Variants in CCDC191 observed in about 807,000 individuals in gnomAD.
CCDC191 encodes the protein coiled-coil domain-containing protein 191.
CCDC191 carries 99 observed loss-of-function variants against 114.0 expected under a neutral mutation model. The ratio of observed to expected loss-of-function variants is 0.87; its 90% CI spans 0.74 to 1.03. CCDC191 has a LOEUF of 1.03. Among genes scored for constraint, CCDC191 ranks in the 50% least tolerant of loss-of-function variants. The pLI, the probability that CCDC191 is intolerant of heterozygous loss-of-function variation, is 0.00. For synonymous variants in CCDC191, 351 were observed against 376.0 expected (o/e 0.93, Z 0.77); for missense variants, 973 against 1,087.0 (o/e 0.90, Z 1.47).
At chr3:113,967,369 GCCTACATTTCTCTTTCTTTC>G (rs148571309) in intron 16 of CCDC191, among the ~76,000 whole-genome samples, 19,511 of 150,708 alleles carry the variant, frequency 0.13, 1,424 homozygotes, top group Admixed American at 0.2. Flanking sequence ...GATCATCCTT[GCCTACATTTCTCTTTCTTTC>G]CCTACATTTC....
chr3:114,003,817 G>A (rs1378604540), intron 11 of CCDC191: 101 of 985,230 alleles, frequency 1.0e-4, no homozygotes, highest in Non-Finnish European at 1.2e-4. Flanking sequence ...CTTGTCACAG[G>A]TAAAAAATCA....
At chr3:114,046,350 C>A (rs1396901019) in intron 3 of CCDC191, among the ~76,000 whole-genome samples, 2 of 152,150 alleles carry the variant, frequency 1.3e-5, no homozygotes, top group Non-Finnish European at 2.9e-5. Context: ...CAGCATTCAC[C>A]AATTAGCTGT....
chr3:113,997,102 C>T (rs904078628), intron 13 of CCDC191, among the ~76,000 whole-genome samples: 6 of 151,972 alleles, frequency 3.9e-5, no homozygotes, highest in African/African-American at 1.2e-4. Context: ...ATTTTTTTCT[C>T]GTTGGGGTTT....
At chr3:113,998,210 G>GAT (rs1221869970) in intron 13 of CCDC191, among the ~76,000 whole-genome samples, 2 of 150,040 alleles carry the variant, frequency 1.3e-5, no homozygotes, top group Non-Finnish European at 1.5e-5. Flanking sequence ...GGAGGCTGAG[G>GAT]AAGGAGAATC....
chr3:113,966,226 T>C (rs1940154249), intron 16 of CCDC191, among the ~76,000 whole-genome samples: 1 of 152,080 alleles, frequency 6.6e-6, no homozygotes, highest in Non-Finnish European at 1.5e-5. Flanking sequence ...TGAATATCAG[T>C]TGAGAAAAAA....
At chr3:114,017,046 T>C (rs2076170081) in intron 8 of CCDC191, among the ~76,000 whole-genome samples, 1 of 151,804 alleles carries the variant, frequency 6.6e-6, no homozygotes, top group African/African-American at 2.4e-5. Flanking sequence ...CAGCATATCA[T>C]AGGAAAGGGA....
At position 114,041,477 on chromosome 3, in the gene CCDC191, G is replaced by T. The variant is rs545689533; in HGVS notation, c.415+1226C>A. ...TCCTAACTAACGGAAACTTCTATGA[G>T]AATTAGAGCCTCACAGCAGTTGAAT... is the stretch of plus-strand genomic sequence containing the variant. On this transcript the variant is annotated intron_variant, in intron 4 of 16. Coordinates refer to ENST00000295878, the MANE Select transcript of CCDC191 (RefSeq NM_020817.2). Among the ~76,000 whole-genome samples, 67 of 152,294 alleles carry T rather than the reference G, an allele frequency of 4.4e-4. No individual in the cohort carries two copies. In the South Asian group the frequency reaches 0.014, roughly 32 times the overall value.
intron 2 of CCDC191, among the ~76,000 whole-genome samples, chr3:114,048,543 T>C (rs767193707): frequency 6.6e-6 from 1 of 152,186 alleles, no homozygotes; most frequent in Non-Finnish European, 1.5e-5. Context: ...GTTCCCAGCT[T>C]AGGGCCTTTG....
At chr3:113,982,881 A>G (rs1294912633) in intron 13 of CCDC191, among the ~76,000 whole-genome samples, 2 of 151,976 alleles carry the variant, frequency 1.3e-5, no homozygotes, top group Non-Finnish European at 2.9e-5. Flanking sequence ...CCAAAAATAA[A>G]AAATAACTAA....
chr3:114,024,955 T>C (rs2076298964), intron 7 of CCDC191, among the ~76,000 whole-genome samples: 1 of 152,216 alleles, frequency 6.6e-6, no homozygotes, highest in African/African-American at 2.4e-5. Flanking sequence ...ATCCTATTCC[T>C]GATTTTCATA....
chr3:114,048,413 C>T (rs1056933538), intron 2 of CCDC191, among the ~76,000 whole-genome samples: 7 of 152,214 alleles, frequency 4.6e-5, no homozygotes, highest in African/African-American at 1.7e-4. Context: ...TAATGCGCTT[C>T]CAGGTCCTGC....
At chr3:114,024,693 G>A (rs1190731611) in intron 7 of CCDC191, among the ~76,000 whole-genome samples, 3 of 152,084 alleles carry the variant, frequency 2.0e-5, no homozygotes, top group East Asian at 3.9e-4. Flanking sequence ...CACACCAGGG[G>A]CTGTTGTGGG....
At chr3:114,029,179 G>A (rs1303884081) in intron 7 of CCDC191, among the ~76,000 whole-genome samples, 1 of 151,996 alleles carries the variant, frequency 6.6e-6, no homozygotes, top group Non-Finnish European at 1.5e-5. Context: ...GTATCTTGTG[G>A]TGCCAACAAA....
In CCDC191 at chr3:114,005,810, G is replaced by A. The variant is rs1207358883; in HGVS notation, c.1566C>T (p.Thr522=). Residue 522 remains threonine (T), a synonymous_variant, in exon 10 of 17, where the codon ACC becomes ACT. Transcript: ENST00000295878. ...GCTGTTGAGAGGGTTCAGCACCCAG[G>A]GTCTTGTGCTGCTTATTGCCAGGTG... The part of the protein sequence containing the change: ...LSAPGNKQHK[T]LGAEPSQQPG... 2 of 1,613,930 alleles carry A rather than the reference G, an allele frequency of 1.2e-6. No homozygotes were observed. Among genetic ancestry groups the A allele is most frequent in the African/African-American group, 2.7e-5 (2 of 74,902 alleles).
intron 5 of CCDC191, among the ~76,000 whole-genome samples, chr3:114,035,841 C>A (rs1393755812): frequency 1.3e-5 from 2 of 152,152 alleles, no homozygotes. Context: ...ATTGAACGTT[C>A]TCTCCTCTCT....
intron 12 of CCDC191, 97 bp from the exon 13 acceptor site, chr3:114,001,793 T>C (rs1433775891): frequency 6.9e-7 from 1 of 1,445,062 alleles, no homozygotes; most frequent in East Asian, 2.3e-5. Flanking sequence ...CCAAAGTGCC[T>C]GTCCTATCTC....
chr3:114,010,828 T>C lies in CCDC191; in HGVS notation c.1357A>G (p.Ile453Val). 6.2e-7 allele frequency: 1 copy of C among 1,614,076 alleles called. No homozygotes were observed. The highest frequency in any genetic ancestry group is 8.5e-7 in the Non-Finnish European group (1 of 1,179,898). Residue 453 changes from isoleucine to valine, a missense_variant, in exon 9 of 17, where the codon ATC becomes GTC. Ile to Val is a conservative substitution (Grantham distance 29). Coordinates refer to ENST00000295878, the MANE Select transcript of CCDC191 (RefSeq NM_020817.2). Reference protein sequence around the residue: ...GKLSANGLSGISLPEEATAMV... With the variant: ...GKLSANGLSGVSLPEEATAMV... Reference sequence around the variant, plus strand: ...GCTGTTGCCTCCTCAGGTAGACTGATGCCTGATAACCCATTGGCACTGAGT... The same window carrying C: ...GCTGTTGCCTCCTCAGGTAGACTGACGCCTGATAACCCATTGGCACTGAGT...
rs888732913 is a variant in CCDC191, at chr3:114,018,694, G to C, written c.1147C>G (p.Leu383Val). The C allele has an allele frequency of 6.2e-7, 1 of 1,610,738 alleles. No homozygotes were observed. The highest frequency in any genetic ancestry group is 2.2e-5 in the East Asian group (1 of 44,786). The change falls in exon 8 of 17, where the codon CTT becomes GTT. Residue 383 changes from leucine (L) to valine (V), a missense_variant. Transcript: ENST00000295878. ...ERETQALENDLREENRKQQLA... is the reference protein window; with the variant it reads ...ERETQALENDVREENRKQQLA... ...TAATGATACCTGTTTTCTTCCCTAA[G>C]ATCATTTTCCAAGGCTTGAGTCTCC...
Position 114,035,137 on chromosome 3 carries a change from A to T in CCDC191, c.606T>A (p.Asn202Lys). The T allele has an allele frequency of 6.2e-7, 1 of 1,612,034 alleles. No homozygotes were observed. The highest frequency in any genetic ancestry group is 8.5e-7 in the Non-Finnish European group (1 of 1,179,272). The part of the protein sequence containing the change: ...MEMRHKQVKE[N>K]RLRREKELEY... ...CCAGTTCTTTCTCACGTCTTAAGCG[A>T]TTTTCTTTTACCTTAAAGCAAATAT... The change falls in exon 6 of 17, where the codon AAT (asparagine) becomes AAA (lysine). Residue 202 changes from asparagine to lysine, a missense_variant. By Grantham distance (94) the Asn-to-Lys change is moderately conservative. Coordinates refer to ENST00000295878, the MANE Select transcript of CCDC191 (RefSeq NM_020817.2).
Sources: allele counts gnomAD v4.1 joint callset (sites outside exome capture counted in the v4.1 genomes callset), GRCh38; gene constraint gnomAD v4.1.1; transcripts MANE v1.5; gene names NCBI Gene and HGNC (gene_info 2026-07-23, HGNC 2026-07-21).